SOX5: variants seen among roughly 807,000 people sequenced by gnomAD.
SOX5 encodes SRY-box transcription factor 5.
A neutral mutation model predicts 92.0 loss-of-function variants in SOX5; 9 were observed. The observed-to-expected ratio is 0.10, with a 90% CI of 0.06 to 0.17. SOX5 has a LOEUF of 0.17. Among genes scored for constraint, SOX5 ranks in the 10% least tolerant of loss-of-function variants. SOX5 has a pLI of 1.00. For missense variants in SOX5, 642 were observed against 944.5 expected, an observed-to-expected ratio of 0.68 and a Z score of 4.20; for synonymous variants, 344 against 336.3, an observed-to-expected ratio of 1.02 and a Z score of -0.25.
At chr12:23,985,221 G>A (rs1248939325) in intron 4 of SOX5, among the ~76,000 whole-genome samples, 1 of 146,410 alleles carries the variant, frequency 6.8e-6, no homozygotes, top group East Asian at 2.0e-4. Flanking sequence ...GGTTTTTATT[G>A]TATTTTTTTA....
At chr12:24,038,919 T>C (rs974739224) in intron 4 of SOX5, among the ~76,000 whole-genome samples, 1 of 152,230 alleles carries the variant, frequency 6.6e-6, no homozygotes, top group Non-Finnish European at 1.5e-5. Context: ...GGACATCTAA[T>C]TAAAAACTAA....
At chr12:24,360,950 G>A (rs540623442) in intron 2 of SOX5, among the ~76,000 whole-genome samples, 8 of 152,234 alleles carry the variant, frequency 5.3e-5, no homozygotes, top group Admixed American at 2.6e-4. Flanking sequence ...AGGGCACTCC[G>A]TCCTTCTTGA....
intron 4 of SOX5, among the ~76,000 whole-genome samples, chr12:23,979,582 A>AGT (rs1949282726): frequency 6.6e-6 from 1 of 151,856 alleles, no homozygotes; most frequent in Non-Finnish European, 1.5e-5. Flanking sequence ...CCTCCTAAAA[A>AGT]AAGAAAATGT....
Position 24,407,449 on chromosome 12 carries a change from A to C in SOX5, c.-250-38810T>G, listed in dbSNP as rs1963227777. 2.0e-5 allele frequency: 3 copies of C among 152,212 alleles called. No individual in the cohort carries two copies. In the South Asian group the frequency reaches 6.2e-4, roughly 32 times the overall value. 9.4% of individuals were successfully genotyped at this position (152,212 alleles called of 1,614,324 possible). ...AGGTTAACTATGGAAGAATAAAGAAAGTTACATTTCTTGCACCCACAGACA... is the reference window on the plus strand; with the variant it reads ...AGGTTAACTATGGAAGAATAAAGAACGTTACATTTCTTGCACCCACAGACA... On this transcript the variant is annotated intron_variant, in intron 1 of 4. Transcript: ENST00000446891.
chr12:23,877,966 G>A (rs2096946663), intron 2 of SOX5, among the ~76,000 whole-genome samples: 1 of 151,766 alleles, frequency 6.6e-6, no homozygotes, highest in African/African-American at 2.4e-5. Flanking sequence ...TCTGTTTTAT[G>A]ACTCCACTGA....
rs188622653 is a variant in SOX5 at position 24,390,088 on chromosome 12, T to G, written c.-250-21449A>C. Among the ~76,000 whole-genome samples the G allele has an allele frequency of 1.1e-3, 169 of 152,304 alleles. 1 individual carries two copies. Among genetic ancestry groups the G allele is most frequent in the African/African-American group, 3.9e-3 (164 of 41,562 alleles). ...TACTTTTTTGAAGGCTGTTTTGAAA[T>G]CCTCCCCAAGTTTCTCGTTTTCCAG... On this transcript the variant is annotated intron_variant, in intron 1 of 4. Transcript: ENST00000446891.
At chr12:24,259,387 G>A (rs745700471) in intron 3 of SOX5, among the ~76,000 whole-genome samples, 1 of 152,156 alleles carries the variant, frequency 6.6e-6, no homozygotes, top group Non-Finnish European at 1.5e-5. Context: ...CGCATATTGA[G>A]CTATTAACAC....
At chr12:23,609,093 C>A (rs747476848) in intron 8 of SOX5, among the ~76,000 whole-genome samples, 9 of 151,912 alleles carry the variant, frequency 5.9e-5, no homozygotes, top group Non-Finnish European at 1.3e-4. Context: ...AGATGGCATT[C>A]TAGGAAGGCA....
At chr12:24,379,194 C>T (rs1957576115) in intron 1 of SOX5, among the ~76,000 whole-genome samples, 1 of 152,174 alleles carries the variant, frequency 6.6e-6, no homozygotes, top group Admixed American at 6.5e-5. Flanking sequence ...TGAGAGCCCC[C>T]TTTTAAAATG....
intron 1 of SOX5, among the ~76,000 whole-genome samples, chr12:24,494,810 T>C (rs10842361): frequency 0.31 from 46,461 of 151,510 alleles, 8,379 homozygotes; most frequent in East Asian, 0.72. Context: ...TCACTATCAA[T>C]GTAATGAAAA....
At chr12:23,847,576 T>G (rs909116405) in intron 2 of SOX5, among the ~76,000 whole-genome samples, 1 of 151,212 alleles carries the variant, frequency 6.6e-6, no homozygotes, top group African/African-American at 2.4e-5. Context: ...TGTTAATATG[T>G]TTTTTTTTGT....
intron 3 of SOX5, among the ~76,000 whole-genome samples, chr12:24,231,114 T>C (rs1963300350): frequency 6.6e-6 from 1 of 152,220 alleles, no homozygotes; most frequent in Admixed American, 6.5e-5. Context: ...CTCTGACCTT[T>C]GTTATTTCAT....
chr12:24,407,367 G>A (rs949173939), intron 1 of SOX5: 1 of 152,172 alleles, frequency 6.6e-6, no homozygotes, highest in African/African-American at 2.4e-5. Flanking sequence ...CAGAACTTCA[G>A]TGCAACCTCA....
chr12:24,186,677 C>T (rs557710941), intron 4 of SOX5, among the ~76,000 whole-genome samples: 2 of 151,716 alleles, frequency 1.3e-5, no homozygotes, highest in East Asian at 3.9e-4. Flanking sequence ...AAAGTATATG[C>T]CCTTAAACAA....
chr12:24,051,640 A>G (rs1016220641), intron 4 of SOX5, among the ~76,000 whole-genome samples: 2 of 152,194 alleles, frequency 1.3e-5, no homozygotes, highest in African/African-American at 4.8e-5. Flanking sequence ...AAAAGTGCCA[A>G]GTGTTCCAGG....
intron 9 of SOX5, among the ~76,000 whole-genome samples, chr12:23,594,316 C>T (rs1197018396): frequency 6.6e-6 from 1 of 152,130 alleles, no homozygotes; most frequent in Non-Finnish European, 1.5e-5. Flanking sequence ...TCATATCCCT[C>T]ACTTTATACA....
At chr12:23,570,999 AT>A (rs1470930281) in intron 10 of SOX5, among the ~76,000 whole-genome samples, 1 of 116,290 alleles carries the variant, frequency 8.6e-6, no homozygotes, top group African/African-American at 3.4e-5. Flanking sequence ...ATATTTTTGT[AT>A]TTTTGGTGGT....
At chr12:23,672,569 C>T (rs763012883) in intron 6 of SOX5, among the ~76,000 whole-genome samples, 2 of 152,038 alleles carry the variant, frequency 1.3e-5, no homozygotes, top group Non-Finnish European at 2.9e-5. Context: ...CCAGTCAAGA[C>T]ACAGTGCAAT....
intron 11 of SOX5, among the ~76,000 whole-genome samples, chr12:23,547,948 A>G (rs1943456262): frequency 6.6e-6 from 1 of 152,102 alleles, no homozygotes; most frequent in Admixed American, 6.6e-5. Context: ...AGCATCAAGG[A>G]CACCAGCTTA....
Sources: gnomAD v4.1 joint callset for allele counts (sites outside exome capture counted in the v4.1 genomes callset) on GRCh38, gnomAD v4.1.1 for gene constraint, MANE v1.5 for transcripts, NCBI Gene and HGNC (gene_info 2026-07-23, HGNC 2026-07-21) for gene names.